BNC2: variants seen among roughly 807,000 people sequenced by gnomAD.
BNC2 encodes the protein zinc finger protein basonuclin-2.
A neutral mutation model predicts 76.3 loss-of-function variants in BNC2; 20 were observed. The observed-to-expected ratio is 0.26, with a 90% CI of 0.18 to 0.38. The LOEUF is 0.38. BNC2 is among the 10% of genes least tolerant of loss of function. The pLI, the probability that BNC2 is intolerant of heterozygous loss-of-function variation, is 1.00. For synonymous variants in BNC2, 582 were observed against 514.8 expected, an observed-to-expected ratio of 1.13 and a Z score of -1.77; for missense variants, 1,382 against 1,399.8, an observed-to-expected ratio of 0.99 and a Z score of 0.20.
At chr9:16,471,292 A>ACTTTTT (rs1175340282) in intron 5 of BNC2, among the ~76,000 whole-genome samples, 1 of 133,740 alleles carries the variant, frequency 7.5e-6, no homozygotes, top group African/African-American at 2.8e-5. Flanking sequence ...CTTGCTTTTG[A>ACTTTTT]TTTTTTTTTT....
chr9:16,519,508 G>A (rs1817549920), intron 5 of BNC2, among the ~76,000 whole-genome samples: 1 of 152,156 alleles, frequency 6.6e-6, no homozygotes, highest in African/African-American at 2.4e-5. Context: ...AGTGGCGAAT[G>A]AGCCCTAGTG....
chr9:16,601,250 G>A (rs1008540112), intron 3 of BNC2, among the ~76,000 whole-genome samples: 2 of 152,056 alleles, frequency 1.3e-5, no homozygotes, highest in Non-Finnish European at 2.9e-5. Context: ...TCGGGGAATC[G>A]CAACTTCCAG....
At position 16,566,778 on chromosome 9, in the gene BNC2, A is replaced by G. The variant is rs145382604; in HGVS notation, c.434-14013T>C. On this transcript the variant is annotated intron_variant, in intron 4 of 6. Coordinates refer to ENST00000380672, the MANE Select transcript of BNC2 (RefSeq NM_017637.6). ...CCTGGAAAGTCGTCAGAGAATAGTCACACAGTAAGACTGTAAGAAGAGCAT... is the reference window on the plus strand; with the variant it reads ...CCTGGAAAGTCGTCAGAGAATAGTCGCACAGTAAGACTGTAAGAAGAGCAT... 3.9e-5 allele frequency among the ~76,000 whole-genome samples: 6 copies of G among 152,324 alleles called. No individual in the cohort carries two copies. The East Asian group carries it at 9.6e-4, about 24-fold the overall frequency.
At chr9:16,777,229 G>T (rs952647724) in intron 1 of BNC2, among the ~76,000 whole-genome samples, 2 of 152,138 alleles carry the variant, frequency 1.3e-5, no homozygotes, top group Non-Finnish European at 2.9e-5. Context: ...AAGAGTCTTA[G>T]CCAAGGTAAA....
At chr9:16,451,374 C>A (rs372040244) in intron 5 of BNC2, among the ~76,000 whole-genome samples, 1 of 152,158 alleles carries the variant, frequency 6.6e-6, no homozygotes, top group Non-Finnish European at 1.5e-5. Flanking sequence ...CCACTTTCTA[C>A]ACACTTTCAT....
At chr9:16,455,882 A>G (rs1821437632) in intron 5 of BNC2, among the ~76,000 whole-genome samples, 2 of 152,312 alleles carry the variant, frequency 1.3e-5, no homozygotes, top group Non-Finnish European at 2.9e-5. Context: ...CATACCTAGT[A>G]GCATTTGTTA....
chr9:16,627,552 C>T (rs1197296532), intron 3 of BNC2, among the ~76,000 whole-genome samples: 1 of 152,094 alleles, frequency 6.6e-6, no homozygotes, highest in African/African-American at 2.4e-5. Context: ...TGATGCAAGC[C>T]CATTAATGAC....
chr9:16,747,668 C>A (rs1302279975), intron 1 of BNC2, among the ~76,000 whole-genome samples: 1 of 152,196 alleles, frequency 6.6e-6, no homozygotes, highest in African/African-American at 2.4e-5. Flanking sequence ...CCAGCATTGC[C>A]TCTCCAGGTT....
intron 1 of BNC2, among the ~76,000 whole-genome samples, chr9:16,761,224 G>A (rs1825543548): frequency 6.6e-6 from 1 of 152,106 alleles, no homozygotes; most frequent in African/African-American, 2.4e-5. Flanking sequence ...CTCCAGCCTG[G>A]CAGACAGAGT....
intron 1 of BNC2, among the ~76,000 whole-genome samples, chr9:16,771,317 A>T (rs533359919): frequency 1.6e-4 from 25 of 152,210 alleles, no homozygotes; most frequent in Non-Finnish European, 3.4e-4. Context: ...TCTATACTTA[A>T]AACAAGGTTT....
intron 3 of BNC2, among the ~76,000 whole-genome samples, chr9:16,700,614 AT>A (rs1361831148): frequency 6.6e-6 from 1 of 151,768 alleles, no homozygotes; most frequent in Non-Finnish European, 1.5e-5. Flanking sequence ...CTGGCTTGTA[AT>A]TTTTTTTGCG....
intron 5 of BNC2, among the ~76,000 whole-genome samples, chr9:16,449,905 T>A (rs1197648640): frequency 6.6e-6 from 1 of 152,122 alleles, no homozygotes; most frequent in African/African-American, 2.4e-5. Flanking sequence ...TCCTATTATT[T>A]TGATAGCTGA....
chr9:16,770,183 G>A (rs2150089), intron 1 of BNC2, among the ~76,000 whole-genome samples: 14,535 of 152,116 alleles, frequency 0.096, 867 homozygotes, highest in Admixed American at 0.19. Context: ...CTCAGAATGC[G>A]AGGCACTGAA....
intron 1 of BNC2, among the ~76,000 whole-genome samples, chr9:16,804,082 GA>G (rs1177965891): frequency 6.6e-6 from 1 of 152,198 alleles, no homozygotes; most frequent in Non-Finnish European, 1.5e-5. Flanking sequence ...CCACGCTAAA[GA>G]AAATGATGTA....
intron 5 of BNC2, among the ~76,000 whole-genome samples, chr9:16,511,551 C>T (rs1822756671): frequency 6.6e-6 from 1 of 151,306 alleles, no homozygotes; most frequent in Non-Finnish European, 1.5e-5. Flanking sequence ...CCTCATTCTC[C>T]CAAGTAGCTG....
chr9:16,707,157 G>A (rs558925904), intron 3 of BNC2, among the ~76,000 whole-genome samples: 101 of 151,798 alleles, frequency 6.7e-4, no homozygotes, highest in African/African-American at 2.3e-3. Context: ...AGCTGAGATC[G>A]CGCCACTGCA....
chr9:16,636,437 G>C (rs1774388164), intron 3 of BNC2, among the ~76,000 whole-genome samples: 1 of 151,846 alleles, frequency 6.6e-6, no homozygotes, highest in Admixed American at 6.6e-5. Context: ...CAAGTAGCTG[G>C]GACTATAAGA....
At chr9:16,712,421 A>AT (rs1204876872) in intron 3 of BNC2, among the ~76,000 whole-genome samples, 11 of 152,274 alleles carry the variant, frequency 7.2e-5, no homozygotes, top group Non-Finnish European at 7.4e-5. Flanking sequence ...GCTTTATAAG[A>AT]TTTTTTCCAA....
intron 1 of BNC2, among the ~76,000 whole-genome samples, chr9:16,817,568 G>A (rs144074421): frequency 8.7e-4 from 132 of 152,304 alleles, no homozygotes; most frequent in African/African-American, 3.0e-3. Flanking sequence ...CCACAAGGCT[G>A]ATGTGGAGAT....
Sources: allele counts gnomAD v4.1 joint callset (sites outside exome capture counted in the v4.1 genomes callset), GRCh38; gene constraint gnomAD v4.1.1; transcripts MANE v1.5; gene names NCBI Gene and HGNC (gene_info 2026-07-23, HGNC 2026-07-21).